The following CADM1 variants were observed in gnomAD, a reference collection of about 807,000 sequenced individuals.
CADM1 encodes TSLC-1.
In CADM1, 15 loss-of-function variants were observed where a neutral mutation model predicts 53.1. The observed-to-expected ratio is 0.28, with a 90% confidence interval of 0.19 to 0.44. The LOEUF is 0.44. CADM1 is among the 20% of genes least tolerant of loss of function. The probability of loss-of-function intolerance (pLI) is 1.00; values close to 1 mark genes in which losing one functional copy is unlikely to be tolerated. For synonymous variants in CADM1, 281 were observed against 243.0 expected (o/e 1.16, Z -1.45); for missense variants, 434 against 611.3 (o/e 0.71, Z 3.06).
rs60532835 is a variant in CADM1 at position 115,340,658 on chromosome 11, A to ATAT, written c.125-100239_125-100238insATA. ...TATATATATATATATATATATATAT[A>ATAT]TTTTTTTTTTTTTTTTTTTTGAGAC... On this transcript the variant is annotated intron_variant, in intron 1 of 11. Transcript: ENST00000331581. Among the ~76,000 whole-genome samples the ATAT allele has an allele frequency of 6.5e-3, 228 of 34,962 alleles. 6 individuals are homozygous for ATAT. Among genetic ancestry groups the ATAT allele is most frequent in the East Asian group, 0.026 (24 of 916 alleles). The allele number at this position is 34,962 out of a possible 152,430, so 22.9% of individuals were successfully genotyped here. A position where few individuals can be genotyped will look rare whatever the true frequency, so the allele number is the denominator to read the frequency against.
At chr11:115,241,506 G>A (rs1942228462) in intron 1 of CADM1, among the ~76,000 whole-genome samples, 1 of 152,148 alleles carries the variant, frequency 6.6e-6, no homozygotes, top group South Asian at 2.1e-4. Flanking sequence ...TGTGATCTCT[G>A]GAAAATTAAT....
chr11:115,264,545 A>C (rs1039409083), intron 1 of CADM1, among the ~76,000 whole-genome samples: 1 of 152,184 alleles, frequency 6.6e-6, no homozygotes, highest in African/African-American at 2.4e-5. Flanking sequence ...TCAGAGACCT[A>C]GTTTTTCCAT....
At chr11:115,491,186 T>A (rs1305227491) in intron 1 of CADM1, among the ~76,000 whole-genome samples, 1 of 152,064 alleles carries the variant, frequency 6.6e-6, no homozygotes, top group Non-Finnish European at 1.5e-5. Context: ...AGAAGCAAGG[T>A]AAGGCATGGT....
intron 1 of CADM1, among the ~76,000 whole-genome samples, chr11:115,245,458 T>G (rs1263398562): frequency 6.6e-6 from 1 of 152,230 alleles, no homozygotes; most frequent in Non-Finnish European, 1.5e-5. Context: ...AAACTTATTT[T>G]CTTTAGATGT....
chr11:115,270,165 G>A (rs1221276439), intron 1 of CADM1, among the ~76,000 whole-genome samples: 4 of 152,072 alleles, frequency 2.6e-5, no homozygotes, highest in Admixed American at 6.6e-5. Context: ...AAGAGAATAC[G>A]CAGACACACA....
At position 115,239,919 on chromosome 11, in the gene CADM1, G is replaced by A. The variant is rs191896672; in HGVS notation, c.271+355C>T. Among the ~76,000 whole-genome samples, 1,223 of 152,198 alleles carry A rather than the reference G, an allele frequency of 8.0e-3. 12 individuals are homozygous for A. The highest frequency in any genetic ancestry group is 0.031 in the Middle Eastern group (9 of 294). On this transcript the variant is annotated intron_variant, in intron 2 of 11. Transcript: ENST00000331581. The stretch of plus-strand genomic sequence containing the variant: ...ATGCTTATAGGCATTTATTGCCTTG[G>A]AAACTTCAATCTTCAAACCAAAGGG...
At chr11:115,200,566 G>C (rs775229220) in intron 8 of CADM1, among the ~76,000 whole-genome samples, 11 of 152,108 alleles carry the variant, frequency 7.2e-5, no homozygotes, top group Non-Finnish European at 1.3e-4. Flanking sequence ...CGTGATCTTG[G>C]CTCACCGCAA....
chr11:115,318,019 A>G (rs1944719585), intron 1 of CADM1, among the ~76,000 whole-genome samples: 1 of 147,440 alleles, frequency 6.8e-6, no homozygotes, highest in Admixed American at 6.7e-5. Context: ...CACACACAAT[A>G]AAAGTAAAGC....
At position 115,422,193 on chromosome 11, in the gene CADM1, C is replaced by T. The variant is rs1018590818; in HGVS notation, c.124+82078G>A. 2.6e-5 allele frequency among the ~76,000 whole-genome samples: 4 copies of T among 152,142 alleles called. No individual in the cohort carries two copies. In the East Asian group the frequency reaches 5.8e-4, roughly 22 times the overall value. On this transcript the variant is annotated intron_variant, in intron 1 of 11. Transcript: ENST00000331581. ...GGTTACAAATTACAGGTGTCAGTGC[C>T]TTCTCTCAAATCCACCAAATGCTGG... is the stretch of plus-strand genomic sequence containing the variant.
At chr11:115,422,528 C>T (rs1204460203) in intron 1 of CADM1, among the ~76,000 whole-genome samples, 1 of 152,166 alleles carries the variant, frequency 6.6e-6, no homozygotes, top group Non-Finnish European at 1.5e-5. Flanking sequence ...AGAAAGCTTT[C>T]CCATCTCAAC....
intron 1 of CADM1, among the ~76,000 whole-genome samples, chr11:115,331,556 A>G (rs1452976208): frequency 6.6e-6 from 1 of 152,218 alleles, no homozygotes; most frequent in Non-Finnish European, 1.5e-5. Context: ...GATGACTCCT[A>G]CTATATATAA....
chr11:115,194,566 T>C (rs566893616), intron 9 of CADM1, among the ~76,000 whole-genome samples: 3 of 152,316 alleles, frequency 2.0e-5, no homozygotes, highest in South Asian at 4.1e-4. Context: ...TCATTGGGGA[T>C]ATGAAAATTC....
At chr11:115,218,234 T>C (rs954708592) in intron 5 of CADM1, 8 of 492,386 alleles carry the variant, frequency 1.6e-5, no homozygotes, top group Admixed American at 1.6e-4. Flanking sequence ...CATCAAACAT[T>C]TCCTGTGAAA....
intron 1 of CADM1, among the ~76,000 whole-genome samples, chr11:115,407,969 G>A (rs1455949377): frequency 7.3e-6 from 1 of 136,992 alleles, no homozygotes; most frequent in Non-Finnish European, 1.5e-5. Flanking sequence ...TGCCAAAAAA[G>A]CTCCTTAATT....
chr11:115,233,656 A>G (rs1205044188), intron 3 of CADM1, among the ~76,000 whole-genome samples: 1 of 152,238 alleles, frequency 6.6e-6, no homozygotes, highest in Admixed American at 6.5e-5. Context: ...AGAAAAAATG[A>G]AAACAACTAA....
intron 1 of CADM1, among the ~76,000 whole-genome samples, chr11:115,248,949 T>C (rs1942501892): frequency 6.6e-6 from 1 of 152,160 alleles, no homozygotes; most frequent in Non-Finnish European, 1.5e-5. Flanking sequence ...AATTAAACAA[T>C]AACTGCAGCC....
intron 1 of CADM1, among the ~76,000 whole-genome samples, chr11:115,490,990 G>A (rs374571791): frequency 7.2e-5 from 11 of 152,262 alleles, no homozygotes; most frequent in South Asian, 6.2e-4. Context: ...TGGAACATCC[G>A]GACTGAGATG....
In CADM1 at chr11:115,416,477, CCTT is replaced by C. The variant is rs368430780; in HGVS notation, c.124+87791_124+87793del. Among the ~76,000 whole-genome samples the C allele has an allele frequency of 6.5e-4, 99 of 152,140 alleles. No homozygotes were observed. The East Asian group carries it at 0.016, about 25-fold the overall frequency. ...CACATCTAGTATTCTTGTAGACTCTCCTTATCAGTATTTAAGCAGCACAGACAG... is the reference window on the plus strand; with the variant it reads ...CACATCTAGTATTCTTGTAGACTCTCATCAGTATTTAAGCAGCACAGACAG... On this transcript the variant is annotated intron_variant, in intron 1 of 11. Coordinates refer to ENST00000331581, the MANE Select transcript of CADM1 (RefSeq NM_001301043.2).
At chr11:115,187,239 T>C (rs1314837720) in intron 10 of CADM1, among the ~76,000 whole-genome samples, 2 of 152,156 alleles carry the variant, frequency 1.3e-5, no homozygotes, top group Non-Finnish European at 2.9e-5. Context: ...GGCCACTCTT[T>C]ATGTGGGGGT....
Sources: gnomAD v4.1 joint callset for allele counts (sites outside exome capture counted in the v4.1 genomes callset) on GRCh38, gnomAD v4.1.1 for gene constraint, MANE v1.5 for transcripts, NCBI Gene and HGNC (gene_info 2026-07-23, HGNC 2026-07-21) for gene names.